JMJD1C: variants seen among roughly 807,000 people sequenced by gnomAD.
JMJD1C encodes the protein jumonji domain-containing protein 1C.
A neutral mutation model predicts 245.3 loss-of-function variants in JMJD1C; 31 were observed. That is an observed-to-expected ratio of 0.13 (90% CI 0.09 to 0.17). The LOEUF is 0.17. JMJD1C is among the 10% of genes least tolerant of loss of function. JMJD1C has a pLI of 1.00. For missense variants in JMJD1C, 2,691 were observed against 3,000.2 expected, an observed-to-expected ratio of 0.90 and a Z score of 2.41; for synonymous variants, 1,057 against 1,017.4, an observed-to-expected ratio of 1.04 and a Z score of -0.74.
rs1234056749 is a variant in JMJD1C, at chr10:63,214,026, T to C, written c.2141A>G (p.Tyr714Cys). The change falls in exon 8 of 26, where the codon TAC (tyrosine) becomes TGC (cysteine). Residue 714 changes from tyrosine (Y) to cysteine (C), a missense_variant. Tyr to Cys is a radical substitution (Grantham distance 194, BLOSUM62 -2). Coordinates refer to ENST00000399262, the MANE Select transcript of JMJD1C (RefSeq NM_032776.3). Reference sequence around the variant, plus strand: ...TGACCCAATAAGTGCAGGATCTCTGTAAACTGTAAAATGCTCATTTTTATC... The same window carrying C: ...TGACCCAATAAGTGCAGGATCTCTGCAAACTGTAAAATGCTCATTTTTATC... The part of the protein sequence containing the change: ...IIDKNEHFTV[Y>C]RDPALIGSET... 1 of 1,614,090 alleles carries C rather than the reference T, an allele frequency of 6.2e-7. No individual in the cohort carries two copies. The highest frequency in any genetic ancestry group is 1.3e-5 in the African/African-American group (1 of 74,944).
rs758979265 is a variant in JMJD1C at position 63,213,804 on chromosome 10, T to C, written c.2363A>G (p.His788Arg). The change falls in exon 8 of 26, where the codon CAT becomes CGT. Residue 788 changes from histidine (H) to arginine (R), a missense_variant. By Grantham distance (29) the His-to-Arg change is conservative. This residue lies in a region of JMJD1C where 1,562 missense variants were observed against 1,490.7 expected (regional missense o/e 1.05). Coordinates refer to ENST00000399262, the MANE Select transcript of JMJD1C (RefSeq NM_032776.3). Reference sequence around the variant, plus strand: ...AAGTAAATGAGGGTGATGAACAGCATGGTGTGGACCACTAGTCAGAGGATG... The same window carrying C: ...AAGTAAATGAGGGTGATGAACAGCACGGTGTGGACCACTAGTCAGAGGATG... ...NTHPLTSGPH[H>R]AVHHPHLLPT... 3.8e-5 allele frequency: 62 copies of C among 1,613,926 alleles called. 1 individual carries two copies. The South Asian group carries it at 5.5e-4, about 14-fold the overall frequency.
At chr10:63,441,540 T>C (rs1951387298) in intron 1 of JMJD1C, among the ~76,000 whole-genome samples, 1 of 152,184 alleles carries the variant, frequency 6.6e-6, no homozygotes, top group African/African-American at 2.4e-5. Context: ...CTAATACCAA[T>C]CACTCCTCCC....
intron 2 of JMJD1C, among the ~76,000 whole-genome samples, chr10:63,335,828 A>C (rs888944886): frequency 3.3e-5 from 5 of 151,956 alleles, no homozygotes; most frequent in Admixed American, 2.6e-4. Context: ...TTCCTAAAAA[A>C]AAAACACTTT....
chr10:63,354,880 A>G (rs1944695427), intron 2 of JMJD1C, among the ~76,000 whole-genome samples: 1 of 144,686 alleles, frequency 6.9e-6, no homozygotes, highest in Non-Finnish European at 1.5e-5. Flanking sequence ...AAAAAAAGTC[A>G]GGCATGGTGG....
Position 63,465,509 on chromosome 10 carries a change from T to A in JMJD1C, c.154A>T (p.Asn52Tyr). The A allele has an allele frequency of 6.2e-7, 1 of 1,604,554 alleles. No homozygotes were observed. Among genetic ancestry groups the A allele is most frequent in the Non-Finnish European group, 8.5e-7 (1 of 1,177,790 alleles). ...IRAVSHRDSRNPDLAVYVEFD... is the reference protein window; with the variant it reads ...IRAVSHRDSRYPDLAVYVEFD... ...GACTCTCTTACCGCCAGGTCCGGAT[T>A]GCGGCTGTCCCTGTGTGACACGGCT... The change falls in exon 1 of 26, where the codon AAT (asparagine) becomes TAT (tyrosine). Residue 52 changes from asparagine to tyrosine, a missense_variant. Asn to Tyr is a moderately radical substitution (Grantham distance 143, BLOSUM62 -2). Transcript: ENST00000399262.
At chr10:63,398,933 C>G (rs1203449554) in intron 1 of JMJD1C, among the ~76,000 whole-genome samples, 1 of 152,180 alleles carries the variant, frequency 6.6e-6, no homozygotes, top group Non-Finnish European at 1.5e-5. Flanking sequence ...ACGTGGGAGC[C>G]ACCGCTCCTG....
At chr10:63,224,555 A>G (rs1256243243) in intron 3 of JMJD1C, among the ~76,000 whole-genome samples, 1 of 152,216 alleles carries the variant, frequency 6.6e-6, no homozygotes, top group Admixed American at 6.5e-5. Flanking sequence ...TAAATGAGCA[A>G]ATCTTGAAAC....
At chr10:63,403,525 T>C (rs1247526950) in intron 1 of JMJD1C, among the ~76,000 whole-genome samples, 1 of 152,216 alleles carries the variant, frequency 6.6e-6, no homozygotes, top group East Asian at 1.9e-4. Flanking sequence ...TTAATAGTAT[T>C]TCAGAGGGCT....
chr10:63,395,322 C>G (rs370133954), intron 1 of JMJD1C, among the ~76,000 whole-genome samples: 81 of 152,028 alleles, frequency 5.3e-4, no homozygotes, highest in African/African-American at 1.9e-3. Flanking sequence ...ACTAAAAATA[C>G]AAAAAATTAG....
At chr10:63,343,190 T>C (rs1943524380) in intron 2 of JMJD1C, among the ~76,000 whole-genome samples, 1 of 152,018 alleles carries the variant, frequency 6.6e-6, no homozygotes. Context: ...GGCGAAACCC[T>C]GTCTCTACAA....
At chr10:63,313,672 A>G (rs971452213) in intron 2 of JMJD1C, among the ~76,000 whole-genome samples, 5 of 152,126 alleles carry the variant, frequency 3.3e-5, no homozygotes, top group African/African-American at 1.2e-4. Flanking sequence ...TTTGATTTGC[A>G]TTTCCCTGAT....
intron 2 of JMJD1C, among the ~76,000 whole-genome samples, chr10:63,319,158 G>A (rs1020313314): frequency 3.3e-5 from 5 of 151,040 alleles, no homozygotes; most frequent in African/African-American, 1.2e-4. Context: ...TCGGGAGGCT[G>A]AGGCAGGAGA....
chr10:63,376,165 T>C (rs775059156), intron 2 of JMJD1C, among the ~76,000 whole-genome samples: 4 of 152,120 alleles, frequency 2.6e-5, no homozygotes, highest in Non-Finnish European at 5.9e-5. Context: ...TCTGTAACAG[T>C]GTCAAGACCA....
chr10:63,518,835 T>A (rs1315451540), intron 1 of JMJD1C, among the ~76,000 whole-genome samples: 3 of 152,202 alleles, frequency 2.0e-5, no homozygotes, highest in Admixed American at 1.3e-4. Context: ...AGTTTCCCCT[T>A]GGAGGGCAAC....
chr10:63,352,380 G>C (rs553599218), intron 2 of JMJD1C, among the ~76,000 whole-genome samples: 6 of 152,322 alleles, frequency 3.9e-5, no homozygotes, highest in African/African-American at 1.2e-4. Context: ...GCTCACGCCT[G>C]TAATCTCACC....
intron 2 of JMJD1C, among the ~76,000 whole-genome samples, chr10:63,373,275 T>C (rs1946454025): frequency 6.6e-6 from 1 of 152,204 alleles, no homozygotes; most frequent in African/African-American, 2.4e-5. Context: ...GCATCTTACA[T>C]GTGGTGCTCC....
At chr10:63,502,285 A>C (rs1171039234) in intron 1 of JMJD1C, among the ~76,000 whole-genome samples, 2 of 152,180 alleles carry the variant, frequency 1.3e-5, no homozygotes, top group Admixed American at 6.5e-5. Flanking sequence ...CTGAAGTTAA[A>C]GCTTGTTTGT....
Position 63,465,548 on chromosome 10 carries a change from CTCGCCAGCT to C in JMJD1C, c.106_114del (p.Ser36_Arg38del). Reference sequence around the variant, plus strand: ...TGTGACACGGCTCGGATGACCCCCGCTCGCCAGCTTCGCCAGCCGCGTCCGCTCTCCCAG... The same window carrying C: ...TGTGACACGGCTCGGATGACCCCCGCTCGCCAGCCGCGTCCGCTCTCCCAG... On this transcript the variant is annotated inframe_deletion, in exon 1 of 26. Transcript: ENST00000399262. 1.2e-6 allele frequency: 2 copies of C among 1,602,736 alleles called. No individual in the cohort carries two copies. Among genetic ancestry groups the C allele is most frequent in the South Asian group, 1.1e-5 (1 of 90,482 alleles).
At chr10:63,442,882 T>C (rs1951474288) in intron 1 of JMJD1C, among the ~76,000 whole-genome samples, 1 of 152,232 alleles carries the variant, frequency 6.6e-6, no homozygotes, top group African/African-American at 2.4e-5. Context: ...ACATGATGTC[T>C]TTTCCAATAC....
Sources: gnomAD v4.1 joint callset for allele counts (sites outside exome capture counted in the v4.1 genomes callset) on GRCh38, gnomAD v4.1.1 for gene constraint, gnomAD v4.1.1 regional missense constraint, MANE v1.5 for transcripts, NCBI Gene and HGNC (gene_info 2026-07-23, HGNC 2026-07-21) for gene names.